The following RANBP2 variants were observed in gnomAD, a reference collection of about 807,000 sequenced individuals.
RANBP2 encodes RAN binding protein 2, also known as E3 SUMO-protein ligase RanBP2.
Under a neutral mutation model 303.6 loss-of-function variants are expected in RANBP2, and 57 were observed. The ratio of observed to expected loss-of-function variants is 0.19; its 90% CI spans 0.15 to 0.23. The LOEUF is 0.23. RANBP2 is among the 10% of genes least tolerant of loss of function. The pLI is 1.00. For missense variants in RANBP2, 3,138 were observed against 3,780.8 expected (o/e 0.83, Z 4.46); for synonymous variants, 1,167 against 1,301.5 (o/e 0.90, Z 2.23).
chr2:109,557,819 C>G, the RANBP2 span, among the ~76,000 whole-genome samples: 2 of 150,968 alleles, frequency 1.3e-5, no homozygotes, highest in Non-Finnish European at 2.9e-5. Context: ...ATTCCCTTTT[C>G]TAGCATAAAA....
At chr2:109,320,446 G>A in the RANBP2 span, among the ~76,000 whole-genome samples, 4 of 152,106 alleles carry the variant, frequency 2.6e-5, no homozygotes, top group Admixed American at 6.5e-5. Flanking sequence ...GCCCATCCTC[G>A]GCAGTGAGCC....
At chr2:109,418,151 C>A in the RANBP2 span, among the ~76,000 whole-genome samples, 1 of 152,122 alleles carries the variant, frequency 6.6e-6, no homozygotes, top group African/African-American at 2.4e-5. Flanking sequence ...GCAGCCTGGC[C>A]CCGTCCTGTG....
chr2:108,732,240 G>C (rs1375099884), intron 4 of RANBP2, among the ~76,000 whole-genome samples: 5 of 152,020 alleles, frequency 3.3e-5, no homozygotes, highest in Admixed American at 3.3e-4. Context: ...TTTTGCACAG[G>C]AAGTTGCAAA....
the RANBP2 span, among the ~76,000 whole-genome samples, chr2:109,072,725 A>G: frequency 1.3e-5 from 2 of 152,210 alleles, no homozygotes; most frequent in Non-Finnish European, 2.9e-5. Flanking sequence ...AGTAGGAGAT[A>G]AACTTCTGCT....
the RANBP2 span, among the ~76,000 whole-genome samples, chr2:109,266,285 TTGTGTTGTGTGTA>T: frequency 9.3e-3 from 1,403 of 151,088 alleles, 18 homozygotes; most frequent in African/African-American, 0.033. Flanking sequence ...ATTTGCATGT[TTGTGTTGTGTGTA>T]TGTGTTGTGT....
At chr2:108,941,823 T>G in the RANBP2 span, among the ~76,000 whole-genome samples, 2 of 152,222 alleles carry the variant, frequency 1.3e-5, no homozygotes, top group South Asian at 4.1e-4. Flanking sequence ...GCAAGGGCAC[T>G]TCTGCCCTGG....
rs573524891 is a variant in RANBP2 at position 108,732,790 on chromosome 2, T to C, written c.405+1316T>C. 3.9e-5 allele frequency among the ~76,000 whole-genome samples: 6 copies of C among 152,342 alleles called. No individual in the cohort carries two copies. The East Asian group carries it at 7.7e-4, about 20-fold the overall frequency. On this transcript the variant is annotated intron_variant, in intron 4 of 28. Transcript: ENST00000283195. ...ATACTTTGGTGATTTCAAAATGTTA[T>C]GTAAATGTCATCATGAAGTATGTGA...
At chr2:108,857,036 A>G in the RANBP2 span, 1 of 418,924 alleles carries the variant, frequency 2.4e-6, no homozygotes, top group Non-Finnish European at 4.3e-6. Context: ...TCTTGTCTGC[A>G]TGTATAACTC....
At chr2:109,067,856 C>T in the RANBP2 span, among the ~76,000 whole-genome samples, 7 of 152,214 alleles carry the variant, frequency 4.6e-5, no homozygotes, top group Non-Finnish European at 1.0e-4. Context: ...ACCCTGCCCC[C>T]TCCTCCATCA....
chr2:109,369,663 G>A, the RANBP2 span, among the ~76,000 whole-genome samples: 1 of 152,196 alleles, frequency 6.6e-6, no homozygotes, highest in Non-Finnish European at 1.5e-5. Flanking sequence ...GGGCGGTTTG[G>A]AAGAGGCATG....
chr2:109,267,725 T>G, the RANBP2 span, among the ~76,000 whole-genome samples: 3 of 152,200 alleles, frequency 2.0e-5, no homozygotes, highest in African/African-American at 7.2e-5. Context: ...CTTCCCTGTT[T>G]CTCAGTGCAT....
chr2:109,764,644 G>A, the RANBP2 span, among the ~76,000 whole-genome samples: 12 of 148,220 alleles, frequency 8.1e-5, no homozygotes, highest in Admixed American at 2.8e-4. Flanking sequence ...GGACTTGGGT[G>A]GAGGATGGAA....
the RANBP2 span, among the ~76,000 whole-genome samples, chr2:108,814,267 T>C: frequency 2.0e-5 from 3 of 152,332 alleles, no homozygotes; most frequent in South Asian, 6.2e-4. Context: ...CACAACCTTG[T>C]CAACATTTGG....
At chr2:109,399,059 T>G in the RANBP2 span, 1 of 1,216,966 alleles carries the variant, frequency 8.2e-7, no homozygotes, top group African/African-American at 1.5e-5. Context: ...AGAACTGCCT[T>G]TTGGGGTTGA....
chr2:109,702,574 G>A, the RANBP2 span, among the ~76,000 whole-genome samples: 1 of 152,240 alleles, frequency 6.6e-6, no homozygotes, highest in South Asian at 2.1e-4. Context: ...ACTCCACAAA[G>A]GGATAACAAA....
chr2:109,020,633 G>A, the RANBP2 span, among the ~76,000 whole-genome samples: 1 of 152,208 alleles, frequency 6.6e-6, no homozygotes, highest in Admixed American at 6.5e-5. Flanking sequence ...CTAACAATGA[G>A]GACTTGGTAG....
At chr2:109,306,805 G>A in the RANBP2 span, among the ~76,000 whole-genome samples, 2 of 152,238 alleles carry the variant, frequency 1.3e-5, no homozygotes, top group African/African-American at 4.8e-5. Flanking sequence ...TAGACTGGTT[G>A]ATTACGTATT....
the RANBP2 span, among the ~76,000 whole-genome samples, chr2:109,413,210 G>A: frequency 2.0e-5 from 3 of 152,214 alleles, no homozygotes; most frequent in African/African-American, 7.2e-5. Flanking sequence ...CGCCTCATGG[G>A]TTCAAACGAT....
chr2:109,489,661 G>A, the RANBP2 span, among the ~76,000 whole-genome samples: 1 of 150,904 alleles, frequency 6.6e-6, no homozygotes, highest in East Asian at 2.0e-4. Flanking sequence ...TGCCCTGGGG[G>A]CCTCGGGGCC....
Sources: gnomAD v4.1 joint callset for allele counts (sites outside exome capture counted in the v4.1 genomes callset) on GRCh38, gnomAD v4.1.1 for gene constraint, MANE v1.5 for transcripts, NCBI Gene and HGNC (gene_info 2026-07-23, HGNC 2026-07-21) for gene names.